The following CNTN4 variants were observed in gnomAD, a reference collection of about 807,000 sequenced individuals.
CNTN4 encodes the protein contactin-4.
CNTN4 carries 77 observed loss-of-function variants against 122.5 expected under a neutral mutation model. The observed-to-expected ratio is 0.63, with a 90% CI of 0.52 to 0.76. The LOEUF (loss-of-function observed/expected upper bound fraction) is 0.76, where lower values mean the gene tolerates loss of function less well. Among genes scored for constraint, CNTN4 ranks in the 30% least tolerant of loss-of-function variants. The probability of loss-of-function intolerance (pLI) is 0.00; values close to 1 mark genes in which losing one functional copy is unlikely to be tolerated. For missense variants in CNTN4, 1,256 were observed against 1,259.1 expected, an observed-to-expected ratio of 1.00 and a Z score of 0.04; for synonymous variants, 512 against 447.0, an observed-to-expected ratio of 1.15 and a Z score of -1.83.
chr3:2,177,611 C>G (rs966645375), intron 2 of CNTN4, among the ~76,000 whole-genome samples: 1 of 151,186 alleles, frequency 6.6e-6, no homozygotes, highest in Non-Finnish European at 1.5e-5. Flanking sequence ...GCTCTATATG[C>G]CAGGGCTCTT....
At chr3:2,246,851 G>A (rs2040173119) in intron 2 of CNTN4, among the ~76,000 whole-genome samples, 1 of 151,908 alleles carries the variant, frequency 6.6e-6, no homozygotes, top group African/African-American at 2.4e-5. Context: ...TTCGTGGAAT[G>A]AGTTGGCAGT....
chr3:2,898,307 G>A (rs1302790734), intron 10 of CNTN4, among the ~76,000 whole-genome samples: 1 of 152,124 alleles, frequency 6.6e-6, no homozygotes, highest in Non-Finnish European at 1.5e-5. Context: ...TGTCTTCTAT[G>A]AATTAATTTT....
At chr3:2,621,029 A>G (rs1463345208) in intron 4 of CNTN4, among the ~76,000 whole-genome samples, 2 of 152,224 alleles carry the variant, frequency 1.3e-5, no homozygotes, top group Non-Finnish European at 2.9e-5. Flanking sequence ...TCTTAATTTC[A>G]TCCTTTGTAA....
intron 3 of CNTN4, among the ~76,000 whole-genome samples, chr3:2,499,608 G>T (rs1248620904): frequency 6.6e-6 from 1 of 152,010 alleles, no homozygotes; most frequent in Non-Finnish European, 1.5e-5. Flanking sequence ...CTGTCTCTCT[G>T]CCAGTATCAC....
intron 2 of CNTN4, among the ~76,000 whole-genome samples, chr3:2,335,801 T>C (rs1685483): frequency 0.75 from 113,978 of 151,550 alleles, 43,294 homozygotes; most frequent in East Asian, 0.95. Context: ...TCAACTGAGG[T>C]ATCATTAGAT....
chr3:2,405,602 GA>G (rs1559524166), intron 3 of CNTN4, among the ~76,000 whole-genome samples: 30 of 126,658 alleles, frequency 2.4e-4, no homozygotes, highest in Admixed American at 3.7e-4. Context: ...TAGGTAGATA[GA>G]TAGATAGATA....
intron 3 of CNTN4, among the ~76,000 whole-genome samples, chr3:2,499,366 T>C (rs66503509): frequency 0.15 from 22,808 of 152,152 alleles, 1,875 homozygotes; most frequent in African/African-American, 0.22. Context: ...ATAGAGTTTA[T>C]TTTGGAGGAT....
rs2048566656 is a variant in CNTN4 at position 2,444,969 on chromosome 3, C to G, written c.-89+105736C>G. On this transcript the variant is annotated intron_variant, in intron 3 of 24. Transcript: ENST00000418658. ...TTTCCTACCTCACATGCCTGAAATG[C>G]CGCATCCCCCCACCCCACTTCTTAC... is the stretch of plus-strand genomic sequence containing the variant. Among the ~76,000 whole-genome samples the G allele has an allele frequency of 3.3e-5, 5 of 151,790 alleles. No individual in the cohort carries two copies. The South Asian group carries it at 1.0e-3, about 32-fold the overall frequency.
chr3:2,649,642 A>G (rs2083277489), intron 4 of CNTN4, among the ~76,000 whole-genome samples: 1 of 152,190 alleles, frequency 6.6e-6, no homozygotes. Flanking sequence ...TAGGAGATGT[A>G]TATTGTTACC....
intron 3 of CNTN4, among the ~76,000 whole-genome samples, chr3:2,399,900 G>A (rs1240182789): frequency 6.6e-6 from 1 of 152,050 alleles, no homozygotes. Context: ...AAATCTACTT[G>A]TAAAGAGTAA....
chr3:2,502,771 C>T (rs1176127247), intron 3 of CNTN4, among the ~76,000 whole-genome samples: 1 of 152,104 alleles, frequency 6.6e-6, no homozygotes. Flanking sequence ...TATCTGAGGA[C>T]ACGACTAATA....
At chr3:3,024,317 A>C (rs1698539318) in intron 14 of CNTN4, among the ~76,000 whole-genome samples, 1 of 150,750 alleles carries the variant, frequency 6.6e-6, no homozygotes, top group Admixed American at 6.6e-5. Flanking sequence ...ATGACATGTT[A>C]AGTCAAAATG....
chr3:2,312,573 C>A (rs936910099), intron 2 of CNTN4, among the ~76,000 whole-genome samples: 4 of 151,996 alleles, frequency 2.6e-5, no homozygotes. Context: ...AAAGTAGGAA[C>A]ACATGCCTCT....
At chr3:2,207,553 C>T (rs1171760435) in intron 2 of CNTN4, among the ~76,000 whole-genome samples, 3 of 152,062 alleles carry the variant, frequency 2.0e-5, no homozygotes, top group Admixed American at 6.6e-5. Context: ...AAAGACCTAA[C>T]CCTAATCCAG....
chr3:2,431,343 GA>G (rs564309864), intron 3 of CNTN4, among the ~76,000 whole-genome samples: 8 of 152,094 alleles, frequency 5.3e-5, no homozygotes, highest in East Asian at 1.9e-4. Flanking sequence ...TAAATGCATT[GA>G]AAAAATGTAC....
intron 4 of CNTN4, among the ~76,000 whole-genome samples, chr3:2,663,521 A>G (rs2084006369): frequency 6.6e-6 from 1 of 152,132 alleles, no homozygotes; most frequent in African/African-American, 2.4e-5. Flanking sequence ...GAAGTATAGG[A>G]AGGAGGTTGA....
chr3:2,265,287 T>G (rs1188791121), intron 2 of CNTN4, among the ~76,000 whole-genome samples: 3 of 152,080 alleles, frequency 2.0e-5, no homozygotes, highest in African/African-American at 7.2e-5. Context: ...GGTTCCATAT[T>G]TTTGCAATTG....
intron 3 of CNTN4, among the ~76,000 whole-genome samples, chr3:2,561,242 A>C (rs6771890): frequency 0.062 from 9,379 of 152,194 alleles, 938 homozygotes; most frequent in African/African-American, 0.21. Context: ...TGCTTCATTA[A>C]CAGTCATTTA....
At chr3:2,598,992 A>G (rs1172736407) in intron 4 of CNTN4, among the ~76,000 whole-genome samples, 1 of 152,234 alleles carries the variant, frequency 6.6e-6, no homozygotes, top group East Asian at 1.9e-4. Context: ...TAACATCTAT[A>G]CAACAGAATA....
Sources: allele counts gnomAD v4.1 joint callset (sites outside exome capture counted in the v4.1 genomes callset), GRCh38; gene constraint gnomAD v4.1.1; transcripts MANE v1.5; gene names NCBI Gene and HGNC (gene_info 2026-07-23, HGNC 2026-07-21).